USF3: variants seen among roughly 807,000 people sequenced by gnomAD.
USF3 encodes basic helix-loop-helix domain-containing protein USF3.
In USF3, 29 loss-of-function variants were observed where a neutral mutation model predicts 157.5. The ratio of observed to expected loss-of-function variants is 0.18; its 90% CI spans 0.14 to 0.25. The LOEUF (loss-of-function observed/expected upper bound fraction) is 0.25, where lower values mean the gene tolerates loss of function less well. USF3 is among the 10% of genes least tolerant of loss of function. The probability of loss-of-function intolerance (pLI) is 1.00; values close to 1 mark genes in which losing one functional copy is unlikely to be tolerated. For missense variants in USF3, 2,381 were observed against 2,667.6 expected, an observed-to-expected ratio of 0.89 and a Z score of 2.37; for synonymous variants, 893 against 941.4, an observed-to-expected ratio of 0.95 and a Z score of 0.94.
intron 5 of USF3, among the ~76,000 whole-genome samples, chr3:113,669,236 C>T (rs1224663838): frequency 6.6e-6 from 1 of 151,548 alleles, no homozygotes; most frequent in African/African-American, 2.4e-5. Flanking sequence ...AAAAGCATAA[C>T]AACGAGTCAA....
At chr3:113,668,998 AG>A (rs773274950) in intron 5 of USF3, among the ~76,000 whole-genome samples, 7 of 152,160 alleles carry the variant, frequency 4.6e-5, no homozygotes, top group Non-Finnish European at 8.8e-5. Context: ...GATGGTTGGA[AG>A]TATCAGAAGG....
chr3:113,664,122 C>T (rs989758187), intron 6 of USF3, among the ~76,000 whole-genome samples, 191 bp downstream of exon 6: 2 of 152,108 alleles, frequency 1.3e-5, no homozygotes, highest in African/African-American at 4.8e-5. Context: ...ATAAGAGGTG[C>T]TCACAGAGGA....
chr3:113,659,286 G>C lies in USF3; in HGVS notation c.2396C>G (p.Pro799Arg), dbSNP rs1377159107. The change falls in exon 7 of 7, where the codon CCA (proline) becomes CGA (arginine). Residue 799 changes from proline to arginine, a missense_variant. By Grantham distance (103) the Pro-to-Arg change is moderately radical. This residue lies in a region of USF3 where 1,435 missense variants were observed against 1,550.9 expected (regional missense o/e 0.93). Transcript: ENST00000316407. ...NMKSKRLNKKPGGRKHLAANK... is the reference protein window; with the variant it reads ...NMKSKRLNKKRGGRKHLAANK... ...TGCTGCTAAGTGTTTCCTGCCACCT[G>C]GCTTCTTATTCAACCTTTTAGATTT... The C allele has an allele frequency of 6.2e-7, 1 of 1,614,044 alleles. No individual in the cohort carries two copies. Among genetic ancestry groups the C allele is most frequent in the East Asian group, 2.2e-5 (1 of 44,894 alleles).
At chr3:113,682,893 T>C (rs1051388831) in intron 1 of USF3, among the ~76,000 whole-genome samples, 6 of 133,256 alleles carry the variant, frequency 4.5e-5, no homozygotes, top group Non-Finnish European at 9.4e-5. Context: ...ATCGCTGGGC[T>C]TTTTTTTTTT....
At chr3:113,678,634 A>C (rs541112045) in intron 1 of USF3, among the ~76,000 whole-genome samples, 2 of 152,324 alleles carry the variant, frequency 1.3e-5, no homozygotes, top group African/African-American at 4.8e-5. Context: ...ATTTTCATAA[A>C]TCCCTGTCCA....
At chr3:113,677,513 G>A (rs1474278700) in intron 1 of USF3, 116 bp from the exon 2 acceptor site, 2 of 152,218 alleles carry the variant, frequency 1.3e-5, no homozygotes, top group Non-Finnish European at 2.9e-5. Context: ...CACGAAGGAT[G>A]ATCCTGAATT....
At chr3:113,696,139 C>A (rs1229545839) in intron 1 of USF3, among the ~76,000 whole-genome samples, 1 of 152,218 alleles carries the variant, frequency 6.6e-6, no homozygotes, top group Non-Finnish European at 1.5e-5. Flanking sequence ...CAGCCGGGGA[C>A]GCAGGGCGGG....
chr3:113,683,379 A>C (rs1335087736), intron 1 of USF3, among the ~76,000 whole-genome samples: 1 of 74,300 alleles, frequency 1.3e-5, no homozygotes, highest in Non-Finnish European at 3.2e-5. Flanking sequence ...ACTATAGTTT[A>C]CTTCATGAAC....
chr3:113,673,167 G>A (rs968054253), intron 4 of USF3, among the ~76,000 whole-genome samples, 181 bp downstream of exon 4: 4 of 152,152 alleles, frequency 2.6e-5, no homozygotes, highest in African/African-American at 9.7e-5. Context: ...AAGATGATAA[G>A]CAAGCCATCT....
intron 1 of USF3, among the ~76,000 whole-genome samples, chr3:113,682,766 T>C (rs1191150801): frequency 2.0e-5 from 3 of 152,208 alleles, no homozygotes; most frequent in Non-Finnish European, 4.4e-5. Context: ...TTGATATAAC[T>C]ACTCTTGCTT....
At chr3:113,675,955 C>A (rs1265018756) in intron 2 of USF3, among the ~76,000 whole-genome samples, 2 of 152,178 alleles carry the variant, frequency 1.3e-5, no homozygotes, top group Non-Finnish European at 2.9e-5. Flanking sequence ...CAAGAGTCAC[C>A]TTTGCTCTAG....
At chr3:113,694,870 C>A (rs1707765909) in intron 1 of USF3, among the ~76,000 whole-genome samples, 1 of 152,102 alleles carries the variant, frequency 6.6e-6, no homozygotes, top group Non-Finnish European at 1.5e-5. Context: ...CATGGAGAAA[C>A]CCTGTCTCTA....
intron 1 of USF3, among the ~76,000 whole-genome samples, chr3:113,679,411 CTTTT>C (rs34641216): frequency 4.2e-5 from 5 of 118,020 alleles, no homozygotes; most frequent in Admixed American, 1.8e-4. Flanking sequence ...AGAGAAAGTT[CTTTT>C]TTTTTTTTTT....
chr3:113,650,135 T>G lies in USF3; in HGVS notation c.*4809A>C. ...GTAGCATTTATATAGACAACAAAAT[T>G]ACAAAAATGGCTTCCAGGCTCCTAA... On this transcript the variant is annotated 3_prime_UTR_variant, in exon 7 of 7. Coordinates refer to ENST00000316407, the MANE Select transcript of USF3 (RefSeq NM_001009899.4). 2.3e-6 allele frequency: 1 copy of G among 435,334 alleles called. No individual in the cohort carries two copies. The highest frequency in any genetic ancestry group is 4.1e-6 in the Non-Finnish European group (1 of 243,476). The allele number at this position is 435,334 out of a possible 1,614,324, so 27.0% of individuals were successfully genotyped here. A position where few individuals can be genotyped will look rare whatever the true frequency, so the allele number is the denominator to read the frequency against.
chr3:113,671,766 T>C (rs896495030), intron 4 of USF3, among the ~76,000 whole-genome samples: 1 of 55,322 alleles, frequency 1.8e-5, no homozygotes, highest in Non-Finnish European at 3.9e-5. Flanking sequence ...TTCTTCTTCC[T>C]TTTTTTTTTT....
Position 113,656,277 on chromosome 3 carries a change from G to C in USF3, c.5405C>G (p.Thr1802Arg). Residue 1802 changes from threonine to arginine, a missense_variant, in exon 7 of 7, where the codon ACA becomes AGA. Transcript: ENST00000316407. ...LSYPPVQSIP[T>R]GNGIPSRDSE... is the part of the protein sequence containing the mutation. ...GTCCCTTGATGGAATACCATTTCCTGTTGGGATGCTCTGAACTGGTGGGTA... is the reference window on the plus strand; with the variant it reads ...GTCCCTTGATGGAATACCATTTCCTCTTGGGATGCTCTGAACTGGTGGGTA... 6.2e-7 allele frequency: 1 copy of C among 1,614,178 alleles called. No homozygotes were observed. The highest frequency in any genetic ancestry group is 8.5e-7 in the Non-Finnish European group (1 of 1,180,026).
chr3:113,689,286 T>C (rs1707632666), intron 1 of USF3, among the ~76,000 whole-genome samples: 1 of 152,188 alleles, frequency 6.6e-6, no homozygotes, highest in Non-Finnish European at 1.5e-5. Flanking sequence ...CAAGTTTACA[T>C]GATGATACAT....
chr3:113,657,710 A>G lies in USF3; in HGVS notation c.3972T>C (p.Arg1324=), dbSNP rs1234104308. The G allele has an allele frequency of 6.2e-7, 1 of 1,614,158 alleles. No individual in the cohort carries two copies. Among genetic ancestry groups the G allele is most frequent in the East Asian group, 2.2e-5 (1 of 44,882 alleles). ...GGACAGCACGCTTAGCAGAATCCTT[A>G]CGGCTTTCATGGCTTGGCTTTAAGA... ...EPLLKPSHES[R]KDSAKRAVQD... The change falls in exon 7 of 7, where the codon CGT becomes CGC. Residue 1324 remains arginine, a synonymous_variant. Coordinates refer to ENST00000316407, the MANE Select transcript of USF3 (RefSeq NM_001009899.4).
chr3:113,672,143 T>C (rs1707169257), intron 4 of USF3, among the ~76,000 whole-genome samples: 2 of 151,508 alleles, frequency 1.3e-5, no homozygotes. Flanking sequence ...TTCTTTTTTT[T>C]TTTCTTTTTT....
Sources: gnomAD v4.1 joint callset for allele counts (sites outside exome capture counted in the v4.1 genomes callset) on GRCh38, gnomAD v4.1.1 for gene constraint, gnomAD v4.1.1 regional missense constraint, MANE v1.5 for transcripts, NCBI Gene and HGNC (gene_info 2026-07-23, HGNC 2026-07-21) for gene names.